The following TCF7L2 variants were observed in gnomAD, a reference collection of about 807,000 sequenced individuals.
TCF7L2 encodes the protein transcription factor 7 like 2, also known as transcription factor 7-like 2.
Under a neutral mutation model 77.9 loss-of-function variants are expected in TCF7L2, and 23 were observed. The observed-to-expected ratio is 0.30, with a 90% CI of 0.21 to 0.42. TCF7L2 has a LOEUF of 0.42. TCF7L2 is among the 10% of genes least tolerant of loss of function. TCF7L2 has a pLI of 1.00. For missense variants in TCF7L2, 654 were observed against 793.1 expected (o/e 0.82, Z 2.11); for synonymous variants, 413 against 340.2 (o/e 1.21, Z -2.36).
At chr10:113,049,076 G>A (rs115758892) in intron 5 of TCF7L2, among the ~76,000 whole-genome samples, 2,449 of 152,174 alleles carry the variant, frequency 0.016, 70 homozygotes, top group African/African-American at 0.055. Context: ...GCTATGTCCA[G>A]TTTACACATA....
At chr10:113,131,694 G>A (rs1405578812) in intron 5 of TCF7L2, among the ~76,000 whole-genome samples, 2 of 152,168 alleles carry the variant, frequency 1.3e-5, no homozygotes, top group South Asian at 4.1e-4. Flanking sequence ...GGCATTTTCT[G>A]GAAGCAGCAG....
chr10:113,128,109 G>T (rs577619254), intron 5 of TCF7L2, among the ~76,000 whole-genome samples: 3 of 152,144 alleles, frequency 2.0e-5, no homozygotes, highest in African/African-American at 7.2e-5. Flanking sequence ...TTAGGGGGCT[G>T]TGTGGTTGGG....
chr10:113,128,684 A>T (rs1339225104), intron 5 of TCF7L2, among the ~76,000 whole-genome samples: 1 of 152,066 alleles, frequency 6.6e-6, no homozygotes, highest in Non-Finnish European at 1.5e-5. Context: ...AGACCGGAAA[A>T]GCGTTCTGGA....
chr10:113,103,764 AG>A (rs2061941844), intron 5 of TCF7L2, among the ~76,000 whole-genome samples: 1 of 152,160 alleles, frequency 6.6e-6, no homozygotes, highest in Non-Finnish European at 1.5e-5. Context: ...ATATTTGCAC[AG>A]TGTGTGGTCC....
chr10:113,146,636 A>ATTT (rs2069479787), intron 8 of TCF7L2, among the ~76,000 whole-genome samples: 2 of 149,070 alleles, frequency 1.3e-5, no homozygotes, highest in African/African-American at 2.5e-5. Flanking sequence ...TTTTTTTTTA[A>ATTT]AAAAAAGATA....
chr10:113,021,283 C>G (rs548747960), intron 4 of TCF7L2, among the ~76,000 whole-genome samples: 1 of 152,260 alleles, frequency 6.6e-6, no homozygotes, highest in East Asian at 1.9e-4. Context: ...TATGGTAAGA[C>G]TGCAAATGTT....
At chr10:113,145,230 A>G (rs1331482159) in intron 7 of TCF7L2, among the ~76,000 whole-genome samples, 1 of 152,072 alleles carries the variant, frequency 6.6e-6, no homozygotes, top group Non-Finnish European at 1.5e-5. Context: ...GACGGTAGAC[A>G]TGAACATGAG....
intron 12 of TCF7L2, 43 bp from the exon 14 acceptor site, chr10:113,159,877 C>A: frequency 3.2e-6 from 3 of 936,228 alleles, no homozygotes; most frequent in African/African-American, 2.0e-5. Flanking sequence ...CCCTTTCTCC[C>A]ACGTTCTCCT....
At chr10:113,104,181 C>G (rs2061987751) in intron 5 of TCF7L2, among the ~76,000 whole-genome samples, 1 of 152,148 alleles carries the variant, frequency 6.6e-6, no homozygotes, top group Non-Finnish European at 1.5e-5. Flanking sequence ...TCCTAATCCT[C>G]GTGGGAGCTT....
chr10:113,136,333 C>T (rs1045080844), intron 5 of TCF7L2, among the ~76,000 whole-genome samples: 2 of 152,150 alleles, frequency 1.3e-5, no homozygotes, highest in African/African-American at 4.8e-5. Flanking sequence ...ACCTTCATTT[C>T]GTCTAGAAAA....
intron 4 of TCF7L2, among the ~76,000 whole-genome samples, chr10:112,990,196 T>C (rs1174611600): frequency 6.6e-6 from 1 of 152,212 alleles, no homozygotes; most frequent in African/African-American, 2.4e-5. Context: ...GTTTTATTAG[T>C]GATTGTCCTC....
intron 3 of TCF7L2, among the ~76,000 whole-genome samples, chr10:112,960,571 G>A (rs2034807700): frequency 6.6e-6 from 1 of 152,148 alleles, no homozygotes; most frequent in Non-Finnish European, 1.5e-5. Flanking sequence ...TTGAAGGTGT[G>A]AGGCACAGCC....
At chr10:113,164,596 T>TAAAA (rs34634002) in intron 13 of TCF7L2, among the ~76,000 whole-genome samples, 2 of 141,336 alleles carry the variant, frequency 1.4e-5, no homozygotes, top group Non-Finnish European at 3.1e-5. Context: ...CCCCAAATCT[T>TAAAA]AAAAAAAAAA....
intron 4 of TCF7L2, among the ~76,000 whole-genome samples, chr10:112,998,634 G>A (rs1283842530): frequency 1.3e-5 from 2 of 152,216 alleles, no homozygotes; most frequent in East Asian, 1.9e-4. Flanking sequence ...GTTTTCAGAC[G>A]AGAAACCACA....
At position 113,151,154 on chromosome 10, in the gene TCF7L2, G is replaced by T. The variant is rs192020033; in HGVS notation, c.1001+31G>T. 187 of 1,613,680 alleles carry T rather than the reference G, an allele frequency of 1.2e-4. No homozygotes were observed. The highest frequency in any genetic ancestry group is 3.3e-5 in the Admixed American group (2 of 59,986). On this transcript the variant is annotated intron_variant, in intron 9 of 13. Transcript: ENST00000627217. The surrounding 1 kb of genome is among the most constrained non-coding windows in gnomAD (Gnocchi z 5.2). ...TGTTGCTGTTTTTCTCACCTTCTTC[G>T]TAGCCGCAGTGTTCTGCAAGCCTGT...
chr10:113,004,925 C>T (rs1347546450), intron 4 of TCF7L2, among the ~76,000 whole-genome samples: 4 of 152,140 alleles, frequency 2.6e-5, no homozygotes, highest in Admixed American at 1.3e-4. Flanking sequence ...CCGCCCGCCT[C>T]GGCCTCCCAA....
At chr10:113,083,391 A>G (rs1441630118) in intron 5 of TCF7L2, among the ~76,000 whole-genome samples, 4 of 152,132 alleles carry the variant, frequency 2.6e-5, no homozygotes, top group Admixed American at 1.3e-4. Context: ...AAAGGATTGC[A>G]TACATCTGCC....
At chr10:113,137,374 T>G (rs143845913) in intron 5 of TCF7L2, among the ~76,000 whole-genome samples, 12 of 152,260 alleles carry the variant, frequency 7.9e-5, no homozygotes, top group African/African-American at 2.7e-4. Context: ...TGCCTGTCAC[T>G]GTGCTAAATA....
chr10:113,115,880 A>G (rs530361908), intron 5 of TCF7L2, among the ~76,000 whole-genome samples: 1 of 152,098 alleles, frequency 6.6e-6, no homozygotes, highest in Admixed American at 6.5e-5. Flanking sequence ...CTTCCCCCTT[A>G]AACAGGCTGC....
Sources: gnomAD v4.1 joint callset for allele counts (sites outside exome capture counted in the v4.1 genomes callset) on GRCh38, gnomAD v4.1.1 for gene constraint, Gnocchi (gnomAD v3.1) non-coding constraint, MANE v1.5 for transcripts, NCBI Gene and HGNC (gene_info 2026-07-23, HGNC 2026-07-21) for gene names.